Variants in NRN1 observed in about 807,000 individuals in gnomAD.
The protein encoded by NRN1 is neuritin.
Under a neutral mutation model 15.0 loss-of-function variants are expected in NRN1, and 4 were observed. The observed-to-expected ratio is 0.27, with a 90% confidence interval of 0.13 to 0.61. The LOEUF (loss-of-function observed/expected upper bound fraction) is 0.61, where lower values mean the gene tolerates loss of function less well. Ranked by LOEUF, NRN1 falls within the 20% of genes least tolerant of loss-of-function variation. The pLI is 0.87. For missense variants in NRN1, 134 were observed against 181.9 expected, an observed-to-expected ratio of 0.74 and a Z score of 1.51; for synonymous variants, 85 against 79.8, an observed-to-expected ratio of 1.07 and a Z score of -0.35.
chr6:6,004,379 C>A (rs1469984794), intron 1 of NRN1, among the ~76,000 whole-genome samples: 2 of 151,572 alleles, frequency 1.3e-5, no homozygotes, highest in Non-Finnish European at 2.9e-5. Context: ...AGAGAAGAAA[C>A]GAAATAAAAT....
chr6:6,002,253 G>T (rs900755752), intron 2 of NRN1, 100 bp downstream of exon 2: 1 of 1,452,132 alleles, frequency 6.9e-7, no homozygotes, highest in Non-Finnish European at 9.5e-7. Flanking sequence ...GCGGATTCGC[G>T]CTGGCGCTGA....
intron 1 of NRN1, chr6:6,003,573 A>G (rs1463455301): frequency 1.6e-6 from 1 of 626,094 alleles, no homozygotes; most frequent in Admixed American, 4.5e-5. Flanking sequence ...AGGCAGGGAT[A>G]AAAGCTGAGC....
rs1243830593 is a variant in NRN1 at position 5,998,402 on chromosome 6, A to C, written c.*574T>G. On this transcript the variant is annotated 3_prime_UTR_variant, in exon 3 of 3. Transcript: ENST00000244766. Reference sequence around the variant, plus strand: ...CCTCTCTCCCTCCTATCCTCCAAACACAAAGCCAACAGTCTGTCCTTTCGC... The same window carrying C: ...CCTCTCTCCCTCCTATCCTCCAAACCCAAAGCCAACAGTCTGTCCTTTCGC... 1 of 152,444 alleles carries C rather than the reference A, an allele frequency of 6.6e-6. No individual in the cohort carries two copies. The highest frequency in any genetic ancestry group is 1.5e-5 in the Non-Finnish European group (1 of 68,268). 9.4% of individuals were successfully genotyped at this position (152,444 alleles called of 1,614,324 possible).
chr6:5,998,825 A>G lies in NRN1; in HGVS notation c.*151T>C, dbSNP rs1380629955. On this transcript the variant is annotated 3_prime_UTR_variant, in exon 3 of 3. Transcript: ENST00000244766. ...AACACAAGAAATCAAACGAAATAAAAAAGAGAATCAGGATTTCCCACAATC... is the reference window on the plus strand; with the variant it reads ...AACACAAGAAATCAAACGAAATAAAGAAGAGAATCAGGATTTCCCACAATC... 3 of 633,032 alleles carry G rather than the reference A, an allele frequency of 4.7e-6. No individual in the cohort carries two copies. The highest frequency in any genetic ancestry group is 8.2e-6 in the Non-Finnish European group (3 of 368,070). 39.2% of individuals were successfully genotyped at this position (633,032 alleles called of 1,614,324 possible).
chr6:5,999,909 G>T (rs574262710), intron 2 of NRN1, among the ~76,000 whole-genome samples: 1 of 152,208 alleles, frequency 6.6e-6, no homozygotes, highest in Admixed American at 6.5e-5. Flanking sequence ...CTCAGATTCG[G>T]CCTGGAGACT....
chr6:6,000,605 T>A (rs1456800670), intron 2 of NRN1, among the ~76,000 whole-genome samples: 1 of 152,086 alleles, frequency 6.6e-6, no homozygotes, highest in Non-Finnish European at 1.5e-5. Context: ...ACACAGAGCT[T>A]CCAGGTTCCT....
rs766146294 is a variant in NRN1 at position 5,998,974 on chromosome 6, G to T, written c.*2C>A. On this transcript the variant is annotated 3_prime_UTR_variant, in exon 3 of 3. Coordinates refer to ENST00000244766, the MANE Select transcript of NRN1 (RefSeq NM_016588.3). ...GGCGCGCGGGGGGAGCTGGCCCCAC[G>T]CTCAGAAGGAAAGCCAGGTCGCTAA... 1.9e-6 allele frequency: 3 copies of T among 1,606,728 alleles called. No individual in the cohort carries two copies. Among genetic ancestry groups the T allele is most frequent in the South Asian group, 2.2e-5 (2 of 90,610 alleles).
intron 1 of NRN1, chr6:6,003,021 G>T: frequency 2.2e-6 from 1 of 457,630 alleles, no homozygotes; most frequent in Non-Finnish European, 3.6e-6. Context: ...TGAACCCAAC[G>T]CCACATCACG....
At chr6:5,999,572 A>C (rs1336953801) in intron 2 of NRN1, among the ~76,000 whole-genome samples, 1 of 152,250 alleles carries the variant, frequency 6.6e-6, no homozygotes, top group African/African-American at 2.4e-5. Context: ...CTAGGAAAAC[A>C]GTGCTAAGCC....
intron 1 of NRN1, chr6:6,003,175 C>T (rs1758007541): frequency 8.1e-7 from 1 of 1,233,882 alleles, no homozygotes; most frequent in Non-Finnish European, 1.0e-6. Context: ...CTACCGTGGA[C>T]TCTGTATTCC....
chr6:6,000,295 C>A (rs1757907550), intron 2 of NRN1, among the ~76,000 whole-genome samples: 1 of 152,238 alleles, frequency 6.6e-6, no homozygotes, highest in South Asian at 2.1e-4. Flanking sequence ...CTTCATCCAA[C>A]CTGTCCCTTT....
At chr6:6,003,357 T>C in intron 1 of NRN1, 1 of 764,538 alleles carries the variant, frequency 1.3e-6, no homozygotes. Flanking sequence ...TCCACGAACC[T>C]CGGGCCTCTT....
intron 1 of NRN1, among the ~76,000 whole-genome samples, chr6:6,004,761 G>A (rs1758063406): frequency 6.6e-6 from 1 of 152,262 alleles, no homozygotes; most frequent in Non-Finnish European, 1.5e-5. Context: ...CCGCTTAGGC[G>A]AGACTCTAGC....
chr6:5,998,794 A>G lies in NRN1; in HGVS notation c.*182T>C. 1 of 610,762 alleles carries G rather than the reference A, an allele frequency of 1.6e-6. No homozygotes were observed. The highest frequency in any genetic ancestry group is 2.8e-5 in the East Asian group (1 of 36,214). 37.8% of individuals were successfully genotyped at this position (610,762 alleles called of 1,614,324 possible). ...TGCTCACTGATTGGTAACATTTGGC[A>G]AATAAAACACAAGAAATCAAACGAA... On this transcript the variant is annotated 3_prime_UTR_variant, in exon 3 of 3. Coordinates refer to ENST00000244766, the MANE Select transcript of NRN1 (RefSeq NM_016588.3).
Position 6,002,400 on chromosome 6 carries a change from G to T in NRN1, c.153C>A (p.Asn51Lys), listed in dbSNP as rs780020876. The T allele has an allele frequency of 6.2e-7, 1 of 1,614,242 alleles. No homozygotes were observed. The highest frequency in any genetic ancestry group is 8.5e-7 in the Non-Finnish European group (1 of 1,180,024). The change falls in exon 2 of 3, where the codon AAC (asparagine) becomes AAA (lysine). Residue 51 changes from asparagine (N) to lysine (K), a missense_variant. Physicochemically the swap from Asn to Lys is moderately conservative, Grantham distance 94. Coordinates refer to ENST00000244766, the MANE Select transcript of NRN1 (RefSeq NM_016588.3). ...CLLKLGDSMANYPQGLDDKTN... is the reference protein window; with the variant it reads ...CLLKLGDSMAKYPQGLDDKTN... ...TCTTGTCGTCCAGGCCCTGCGGGTA[G>T]TTGGCCATGCTGTCGCCCAGCTTGA...
At chr6:6,006,968 G>A (rs537466680), upstream of NRN1, 9 of 412,862 alleles carry the variant, frequency 2.2e-5, no homozygotes, top group East Asian at 1.6e-4. Flanking sequence ...GCTGAGGGGG[G>A]GGGGAGAGCT....
At chr6:6,002,868 T>G (rs1474048532) in intron 1 of NRN1, 1 of 382,768 alleles carries the variant, frequency 2.6e-6, no homozygotes, top group African/African-American at 2.1e-5. Flanking sequence ...GCTCCCTCCT[T>G]CGTCTCCCAA....
chr6:6,006,801 A>C lies in NRN1; in HGVS notation c.-52T>G, dbSNP rs1276374738. On this transcript the variant is annotated 5_prime_UTR_variant, in exon 1 of 3. Transcript: ENST00000244766. Reference sequence around the variant, plus strand: ...CCGCAGACCTTTAAATAGTTAGTTTAGAGAACGCGGGGGAAAGCCAAAAAA... The same window carrying C: ...CCGCAGACCTTTAAATAGTTAGTTTCGAGAACGCGGGGGAAAGCCAAAAAA... The C allele has an allele frequency of 6.3e-7, 1 of 1,593,872 alleles. No individual in the cohort carries two copies. The highest frequency in any genetic ancestry group is 8.6e-7 in the Non-Finnish European group (1 of 1,161,774).
intron 1 of NRN1, among the ~76,000 whole-genome samples, chr6:6,004,835 C>A (rs1034231687): frequency 5.3e-5 from 8 of 152,054 alleles, no homozygotes; most frequent in African/African-American, 1.9e-4. Context: ...TCCATCCGTT[C>A]ATTCATTCGT....
Sources: gnomAD v4.1 joint callset for allele counts (sites outside exome capture counted in the v4.1 genomes callset) on GRCh38, gnomAD v4.1.1 for gene constraint, MANE v1.5 for transcripts, NCBI Gene and HGNC (gene_info 2026-07-23, HGNC 2026-07-21) for gene names.